Variants in NPAS3 observed in about 807,000 individuals in gnomAD.
The protein encoded by NPAS3 is neuronal PAS domain-containing protein 3.
NPAS3 carries 14 observed loss-of-function variants against 73.1 expected under a neutral mutation model. That is an observed-to-expected ratio of 0.19 (90% CI 0.13 to 0.30). NPAS3 has a LOEUF of 0.30. Ranked by LOEUF, NPAS3 falls within the 10% of genes least tolerant of loss-of-function variation. The pLI, the probability that NPAS3 is intolerant of heterozygous loss-of-function variation, is 1.00. For synonymous variants in NPAS3, 620 were observed against 541.5 expected, an observed-to-expected ratio of 1.14 and a Z score of -2.01; for missense variants, 1,096 against 1,250.0, an observed-to-expected ratio of 0.88 and a Z score of 1.86.
intron 4 of NPAS3, among the ~76,000 whole-genome samples, chr14:33,492,667 T>C (rs1326849850): frequency 6.6e-6 from 1 of 152,198 alleles, no homozygotes; most frequent in African/African-American, 2.4e-5. Context: ...GGAAAGGACA[T>C]GGATTGAAGC....
chr14:33,344,450 T>A (rs766852819), intron 3 of NPAS3, among the ~76,000 whole-genome samples: 2 of 152,198 alleles, frequency 1.3e-5, no homozygotes, highest in Non-Finnish European at 2.9e-5. Flanking sequence ...GAATTTCATT[T>A]GCTGTAATCC....
At chr14:33,295,325 T>G (rs990111508) in intron 3 of NPAS3, among the ~76,000 whole-genome samples, 15 of 152,176 alleles carry the variant, frequency 9.9e-5, no homozygotes, top group African/African-American at 3.4e-4. Context: ...ATTTCTGCCA[T>G]TGAAAGGAGA....
In NPAS3 at chr14:33,596,896, G is replaced by A. The variant is rs577275398; in HGVS notation, c.558+36686G>A. ...GAAATGAAGAAACATGGGCCAGGCT[G>A]GCTGGGCTCATTTAGAACAGCAGTG... is the stretch of plus-strand genomic sequence containing the variant. On this transcript the variant is annotated intron_variant, in intron 5 of 11. Transcript: ENST00000356141. Among the ~76,000 whole-genome samples the A allele has an allele frequency of 4.6e-5, 7 of 152,312 alleles. No homozygotes were observed. In the East Asian group the frequency reaches 1.3e-3, roughly 29 times the overall value.
At chr14:33,375,819 G>C (rs1367269912) in intron 4 of NPAS3, among the ~76,000 whole-genome samples, 3 of 152,100 alleles carry the variant, frequency 2.0e-5, no homozygotes, top group African/African-American at 7.2e-5. Context: ...CGTAAGTTTG[G>C]GAATAGGGTT....
intron 4 of NPAS3, among the ~76,000 whole-genome samples, chr14:33,407,358 TCCTCA>T (rs1342681961): frequency 1.3e-5 from 2 of 152,146 alleles, no homozygotes; most frequent in East Asian, 3.9e-4. Flanking sequence ...CTTGTAAAGC[TCCTCA>T]GAGGAAAAGT....
intron 1 of NPAS3, among the ~76,000 whole-genome samples, chr14:32,995,736 A>G (rs925528006): frequency 2.0e-5 from 3 of 152,194 alleles, no homozygotes; most frequent in African/African-American, 4.8e-5. Flanking sequence ...CTTGCCTTCT[A>G]TCATGATTGT....
intron 3 of NPAS3, among the ~76,000 whole-genome samples, chr14:33,232,256 G>A (rs1438434855): frequency 2.0e-5 from 3 of 152,190 alleles, no homozygotes; most frequent in East Asian, 1.9e-4. Context: ...CTGGGCCAGC[G>A]TGGACTCAGA....
At chr14:33,611,843 C>G (rs954243089) in intron 5 of NPAS3, among the ~76,000 whole-genome samples, 1 of 152,050 alleles carries the variant, frequency 6.6e-6, no homozygotes, top group African/African-American at 2.4e-5. Flanking sequence ...ATGTATTTAA[C>G]TCATCATTTT....
chr14:33,694,941 A>G (rs2060334538), intron 6 of NPAS3, among the ~76,000 whole-genome samples: 1 of 152,162 alleles, frequency 6.6e-6, no homozygotes, highest in South Asian at 2.1e-4. Context: ...ACCATCATGT[A>G]TATGATGCCC....
intron 4 of NPAS3, among the ~76,000 whole-genome samples, chr14:33,488,464 C>T (rs543708046): frequency 2.6e-4 from 39 of 152,246 alleles, no homozygotes; most frequent in African/African-American, 8.4e-4. Flanking sequence ...AGTCTGAGAG[C>T]GAGCCTATCT....
At chr14:33,654,868 A>C (rs1358729384) in intron 5 of NPAS3, among the ~76,000 whole-genome samples, 1 of 152,218 alleles carries the variant, frequency 6.6e-6, no homozygotes, top group Non-Finnish European at 1.5e-5. Context: ...GACACTGCTC[A>C]TGAAGATCAC....
rs536411829 is a variant in NPAS3, at chr14:33,688,860, T to A, written c.733+12475T>A. ...ACAGCAGTAGATTTTGGTGCAAAGA[T>A]ATGATTACGGCTGCCCAGAGCAGTG... is the stretch of plus-strand genomic sequence containing the variant. On this transcript the variant is annotated intron_variant, in intron 6 of 11. Transcript: ENST00000356141. Among the ~76,000 whole-genome samples, 5 of 152,330 alleles carry A rather than the reference T, an allele frequency of 3.3e-5. No homozygotes were observed. The East Asian group carries it at 9.6e-4, about 29-fold the overall frequency.
chr14:32,963,736 A>G (rs2037028428), intron 1 of NPAS3, among the ~76,000 whole-genome samples: 1 of 152,240 alleles, frequency 6.6e-6, no homozygotes, highest in Non-Finnish European at 1.5e-5. Flanking sequence ...TTTAGTATTC[A>G]ACTAGAACTT....
intron 4 of NPAS3, among the ~76,000 whole-genome samples, chr14:33,384,355 G>C (rs1225428678): frequency 1.3e-5 from 2 of 151,676 alleles, no homozygotes; most frequent in Non-Finnish European, 2.9e-5. Context: ...TCATTTTAAA[G>C]TATTCACACA....
At chr14:33,254,519 T>G (rs1405931474) in intron 3 of NPAS3, among the ~76,000 whole-genome samples, 1 of 152,118 alleles carries the variant, frequency 6.6e-6, no homozygotes, top group African/African-American at 2.4e-5. Context: ...TTCACCTTCC[T>G]CAAGCCTTTT....
intron 3 of NPAS3, among the ~76,000 whole-genome samples, chr14:33,310,917 A>T (rs1481409845): frequency 6.6e-6 from 1 of 151,940 alleles, no homozygotes; most frequent in Non-Finnish European, 1.5e-5. Context: ...TGACCTTAGG[A>T]TCACTGTGCA....
intron 5 of NPAS3, among the ~76,000 whole-genome samples, chr14:33,635,141 A>C: frequency 6.6e-6 from 1 of 152,238 alleles, no homozygotes; most frequent in East Asian, 1.9e-4. Context: ...AAGGGCGTAC[A>C]TTGTGCCATT....
chr14:32,947,714 TTTAGA>T (rs1251357717), intron 1 of NPAS3, among the ~76,000 whole-genome samples: 2 of 152,108 alleles, frequency 1.3e-5, no homozygotes, highest in East Asian at 3.8e-4. Context: ...AATGTCTTAC[TTTAGA>T]TTGAGTTAAA....
chr14:33,724,414 C>A (rs1302233662), intron 6 of NPAS3, among the ~76,000 whole-genome samples: 2 of 152,026 alleles, frequency 1.3e-5, no homozygotes, highest in Non-Finnish European at 2.9e-5. Context: ...CAGGTGGATC[C>A]CTTGAGCCCA....
Sources: gnomAD v4.1 joint callset for allele counts (sites outside exome capture counted in the v4.1 genomes callset) on GRCh38, gnomAD v4.1.1 for gene constraint, MANE v1.5 for transcripts, NCBI Gene and HGNC (gene_info 2026-07-23, HGNC 2026-07-21) for gene names.